Variants in MAD1L1 observed in about 807,000 individuals in gnomAD.
MAD1L1 encodes mitotic spindle assembly checkpoint protein MAD1.
In MAD1L1, 95 loss-of-function variants were observed where a neutral mutation model predicts 96.9. The observed-to-expected ratio is 0.98, with a 90% CI of 0.83 to 1.16. The LOEUF is 1.16. Ranked by LOEUF, MAD1L1 falls within the 50% of genes most tolerant of loss-of-function variation. The probability of loss-of-function intolerance (pLI) is 0.00; values close to 1 mark genes in which losing one functional copy is unlikely to be tolerated. For missense variants in MAD1L1, 1,007 were observed against 954.4 expected (o/e 1.06, Z -0.73); for synonymous variants, 473 against 396.6 (o/e 1.19, Z -2.29).
chr7:1,976,804 G>A (rs1182539195), intron 15 of MAD1L1, among the ~76,000 whole-genome samples: 1 of 151,754 alleles, frequency 6.6e-6, no homozygotes, highest in Non-Finnish European at 1.5e-5. Flanking sequence ...GGTAGACACA[G>A]AGTGCTGACT....
intron 16 of MAD1L1, among the ~76,000 whole-genome samples, chr7:1,957,353 C>T (rs1053182349): frequency 8.5e-5 from 13 of 152,302 alleles, no homozygotes; most frequent in Admixed American, 2.0e-4. Context: ...CAGCAGATCC[C>T]GGGTGGGCAT....
intron 3 of MAD1L1, 168 bp from the exon 4 acceptor site, chr7:2,225,718 G>T (rs2115018674): frequency 3.0e-6 from 2 of 677,048 alleles, no homozygotes; most frequent in East Asian, 2.8e-5. Context: ...CAGGGGAGGG[G>T]CAGGAAACGG....
At chr7:1,958,041 C>G (rs557102477) in intron 15 of MAD1L1, among the ~76,000 whole-genome samples, 1 of 152,158 alleles carries the variant, frequency 6.6e-6, no homozygotes. Flanking sequence ...TCAGTGTGTC[C>G]GTGTCCGTCA....
chr7:1,940,935 C>CCAGGCCTCACCCTCCTCTTCCTCCCCCCG (rs1345176132), intron 16 of MAD1L1, among the ~76,000 whole-genome samples: 211 of 93,762 alleles, frequency 2.3e-3, no homozygotes, highest in Middle Eastern at 5.3e-3. Context: ...CCCTCCTCCC[C>CCAGGCCTCACCCTCCTCTTCCTCCCCCCG]CAGGCCTCAC....
intron 18 of MAD1L1, among the ~76,000 whole-genome samples, chr7:1,861,000 T>C (rs1784517568): frequency 6.6e-6 from 1 of 152,006 alleles, no homozygotes; most frequent in South Asian, 2.1e-4. Flanking sequence ...CCCGATGGAG[T>C]CCACCTCTGT....
intron 12 of MAD1L1, among the ~76,000 whole-genome samples, chr7:2,034,813 GT>G (rs1209526521): frequency 2.0e-5 from 3 of 152,226 alleles, no homozygotes; most frequent in African/African-American, 4.8e-5. Context: ...CATGTTCTTG[GT>G]GCTACCTCTG....
At chr7:2,064,815 C>T (rs62444914) in intron 12 of MAD1L1, among the ~76,000 whole-genome samples, 151 of 76,948 alleles carry the variant, frequency 2.0e-3, no homozygotes, top group Admixed American at 5.3e-3. Flanking sequence ...CCCAGGACAG[C>T]GGCTTCTCCC....
chr7:2,199,574 C>T (rs1279468523), intron 10 of MAD1L1, among the ~76,000 whole-genome samples: 3 of 152,264 alleles, frequency 2.0e-5, no homozygotes, highest in Admixed American at 1.3e-4. Context: ...CCTGGAGTTT[C>T]GATTCCTAAA....
chr7:2,139,936 CTT>C (rs1284033720), intron 11 of MAD1L1, among the ~76,000 whole-genome samples: 1 of 152,156 alleles, frequency 6.6e-6, no homozygotes, highest in African/African-American at 2.4e-5. Flanking sequence ...AGTAGAGTCT[CTT>C]TCCCCCCACA....
At chr7:1,945,943 G>T (rs904769637) in intron 16 of MAD1L1, among the ~76,000 whole-genome samples, 3 of 152,156 alleles carry the variant, frequency 2.0e-5, no homozygotes, top group African/African-American at 7.2e-5. Context: ...AAAGACCCAA[G>T]CACTTCCCAC....
chr7:1,862,670 C>T, intron 18 of MAD1L1, among the ~76,000 whole-genome samples: 1 of 152,278 alleles, frequency 6.6e-6, no homozygotes, highest in East Asian at 1.9e-4. Flanking sequence ...GGTCTGCCTA[C>T]AGGCCTGTTA....
intron 17 of MAD1L1, among the ~76,000 whole-genome samples, chr7:1,933,800 T>A (rs1789619232): frequency 6.6e-6 from 1 of 152,118 alleles, no homozygotes; most frequent in African/African-American, 2.4e-5. Flanking sequence ...CGGGGACCCA[T>A]CTCTTAATTC....
chr7:2,189,440 T>C lies in MAD1L1; in HGVS notation c.986+23772A>G, dbSNP rs529067584. On this transcript the variant is annotated intron_variant, in intron 10 of 18. Coordinates refer to ENST00000265854, the MANE Select transcript of MAD1L1 (RefSeq NM_001013836.2). ...ATAAGAAGAACGGATCGTCTATCCATACAACAGAATATTACTCAGCCTTAG... is the reference window on the plus strand; with the variant it reads ...ATAAGAAGAACGGATCGTCTATCCACACAACAGAATATTACTCAGCCTTAG... 9.8e-5 allele frequency among the ~76,000 whole-genome samples: 15 copies of C among 152,342 alleles called. No individual in the cohort carries two copies. The South Asian group carries it at 3.1e-3, about 32-fold the overall frequency.
chr7:2,003,458 A>C (rs1248359850), intron 13 of MAD1L1, among the ~76,000 whole-genome samples: 1 of 151,972 alleles, frequency 6.6e-6, no homozygotes, highest in Non-Finnish European at 1.5e-5. Flanking sequence ...ATGGGCCCCC[A>C]AGCTCCCCTA....
intron 18 of MAD1L1, among the ~76,000 whole-genome samples, chr7:1,845,148 G>A (rs923350292): frequency 2.0e-5 from 3 of 152,242 alleles, no homozygotes; most frequent in Admixed American, 6.5e-5. Flanking sequence ...TGGCTGATAC[G>A]CTGACCAGCT....
At chr7:1,913,423 G>C (rs575544378) in intron 17 of MAD1L1, among the ~76,000 whole-genome samples, 1 of 152,244 alleles carries the variant, frequency 6.6e-6, no homozygotes, top group Non-Finnish European at 1.5e-5. Context: ...GAATCCGCGC[G>C]TGCACGCCCG....
At chr7:2,227,204 G>C (rs1317600255) in intron 3 of MAD1L1, among the ~76,000 whole-genome samples, 1 of 151,920 alleles carries the variant, frequency 6.6e-6, no homozygotes, top group Non-Finnish European at 1.5e-5. Context: ...GCTGAGGAGG[G>C]AGAATCACTT....
intron 14 of MAD1L1, among the ~76,000 whole-genome samples, chr7:1,989,497 C>A (rs923051206): frequency 6.6e-6 from 1 of 152,212 alleles, no homozygotes; most frequent in Non-Finnish European, 1.5e-5. Context: ...TGGGAGCCCT[C>A]GGCGGCGGGA....
chr7:1,977,281 A>G (rs1183374283), intron 15 of MAD1L1, among the ~76,000 whole-genome samples: 1 of 152,238 alleles, frequency 6.6e-6, no homozygotes, highest in Admixed American at 6.5e-5. Flanking sequence ...GCTGAGGCCC[A>G]GTGAGAATTC....
Sources: allele counts gnomAD v4.1 joint callset (sites outside exome capture counted in the v4.1 genomes callset), GRCh38; gene constraint gnomAD v4.1.1; transcripts MANE v1.5; gene names NCBI Gene and HGNC (gene_info 2026-07-23, HGNC 2026-07-21).